The following SSBP2 variants were observed in gnomAD, a reference collection of about 807,000 sequenced individuals.
SSBP2 encodes the protein single stranded DNA binding protein 2.
A neutral mutation model predicts 61.8 loss-of-function variants in SSBP2; 17 were observed. That is an observed-to-expected ratio of 0.28 (90% CI 0.19 to 0.41). The LOEUF (loss-of-function observed/expected upper bound fraction) is 0.41, where lower values mean the gene tolerates loss of function less well. Among genes scored for constraint, SSBP2 ranks in the 10% least tolerant of loss-of-function variants. SSBP2 has a pLI of 1.00. For synonymous variants in SSBP2, 139 were observed against 141.3 expected (o/e 0.98, Z 0.12); for missense variants, 310 against 458.7 (o/e 0.68, Z 2.96).
intron 1 of SSBP2, among the ~76,000 whole-genome samples, chr5:81,703,656 T>C (rs2153896485): frequency 6.6e-6 from 1 of 152,330 alleles, no homozygotes; most frequent in South Asian, 2.1e-4. Context: ...TGAGTTTAAA[T>C]CTTTGTATTT....
intron 1 of SSBP2, among the ~76,000 whole-genome samples, chr5:81,659,341 C>G (rs1479556374): frequency 6.6e-6 from 1 of 152,078 alleles, no homozygotes; most frequent in Non-Finnish European, 1.5e-5. Flanking sequence ...AATCAATGTG[C>G]AAAAATCACA....
chr5:81,608,323 A>C (rs11743304), intron 4 of SSBP2, among the ~76,000 whole-genome samples: 26,432 of 151,964 alleles, frequency 0.17, 2,400 homozygotes, highest in Non-Finnish European at 0.21. Flanking sequence ...TCACCATTTT[A>C]ATTCAGGGGC....
chr5:81,551,303 G>C (rs188365286), intron 4 of SSBP2, among the ~76,000 whole-genome samples: 7 of 152,030 alleles, frequency 4.6e-5, no homozygotes, highest in African/African-American at 1.4e-4. Flanking sequence ...ATATGTATCT[G>C]CTTGATAACA....
rs142073731 is a variant in SSBP2 at position 81,460,609 on chromosome 5, T to C, written c.687+446A>G. On this transcript the variant is annotated intron_variant, in intron 10 of 16. Transcript: ENST00000320672. ...GTACAAGGTAAATATGCATTTGCTTTCTGGGGCAGCAAGAAAGCAAACCTA... is the reference window on the plus strand; with the variant it reads ...GTACAAGGTAAATATGCATTTGCTTCCTGGGGCAGCAAGAAAGCAAACCTA... 7.9e-5 allele frequency among the ~76,000 whole-genome samples: 12 copies of C among 152,302 alleles called. No individual in the cohort carries two copies. The East Asian group carries it at 2.3e-3, about 29-fold the overall frequency.
intron 4 of SSBP2, among the ~76,000 whole-genome samples, chr5:81,537,168 T>C (rs1435988300): frequency 6.6e-6 from 1 of 152,198 alleles, no homozygotes; most frequent in Non-Finnish European, 1.5e-5. Flanking sequence ...ACTGGGCTTG[T>C]CTGACTTTAT....
At chr5:81,594,591 AG>A (rs1743507110) in intron 4 of SSBP2, among the ~76,000 whole-genome samples, 1 of 152,250 alleles carries the variant, frequency 6.6e-6, no homozygotes, top group Non-Finnish European at 1.5e-5. Context: ...CATAGTTGGA[AG>A]TAAAGCACTC....
chr5:81,559,957 A>G (rs547056602), intron 4 of SSBP2, among the ~76,000 whole-genome samples: 2 of 152,348 alleles, frequency 1.3e-5, no homozygotes, highest in East Asian at 3.9e-4. Flanking sequence ...AAGCAAAACT[A>G]TACTGAGTAA....
intron 1 of SSBP2, among the ~76,000 whole-genome samples, chr5:81,738,804 C>T (rs183787413): frequency 2.0e-5 from 3 of 152,218 alleles, no homozygotes; most frequent in African/African-American, 4.8e-5. Flanking sequence ...TTACTCCATG[C>T]TCCATATGAT....
At chr5:81,439,224 CT>C (rs1762856097) in intron 14 of SSBP2, among the ~76,000 whole-genome samples, 1 of 151,814 alleles carries the variant, frequency 6.6e-6, no homozygotes, top group Admixed American at 6.6e-5. Flanking sequence ...AAGATGAACC[CT>C]TTCCAAAAGA....
intron 4 of SSBP2, among the ~76,000 whole-genome samples, chr5:81,572,065 A>C (rs1402968775): frequency 6.6e-6 from 1 of 152,122 alleles, no homozygotes; most frequent in African/African-American, 2.4e-5. Context: ...AATCAACTAC[A>C]AGTCTCTAAC....
Position 81,605,240 on chromosome 5 carries a change from T to G in SSBP2, c.282+10233A>C, listed in dbSNP as rs1040821616. Among the ~76,000 whole-genome samples, 5 of 152,146 alleles carry G rather than the reference T, an allele frequency of 3.3e-5. No homozygotes were observed. The East Asian group carries it at 9.6e-4, about 29-fold the overall frequency. On this transcript the variant is annotated intron_variant, in intron 4 of 16. Coordinates refer to ENST00000320672, the MANE Select transcript of SSBP2 (RefSeq NM_012446.5). ...TAAAATAAGTACAGTGTCTATCTTC[T>G]TATACTTTACTCAAGAAAAAATATG...
At chr5:81,648,240 G>C (rs1271677010) in intron 2 of SSBP2, among the ~76,000 whole-genome samples, 2 of 152,010 alleles carry the variant, frequency 1.3e-5, no homozygotes, top group Non-Finnish European at 2.9e-5. Context: ...CAGTGAATGC[G>C]ACTTAGAAAG....
At chr5:81,450,828 T>G (rs1265616318) in intron 10 of SSBP2, among the ~76,000 whole-genome samples, 16 of 152,244 alleles carry the variant, frequency 1.1e-4, no homozygotes, top group Admixed American at 1.0e-3. Context: ...ACTTTGTTAA[T>G]TTCCATCTCT....
intron 1 of SSBP2, among the ~76,000 whole-genome samples, chr5:81,715,257 C>G (rs1452301660): frequency 6.6e-6 from 1 of 152,094 alleles, no homozygotes; most frequent in Non-Finnish European, 1.5e-5. Flanking sequence ...CCACCAAGTA[C>G]TCAGGTTGCT....
At chr5:81,694,445 T>C (rs933470664) in intron 1 of SSBP2, among the ~76,000 whole-genome samples, 3 of 152,216 alleles carry the variant, frequency 2.0e-5, no homozygotes, top group Admixed American at 6.5e-5. Context: ...ACACCTACTA[T>C]GTACCCACAA....
chr5:81,705,815 A>G (rs565651013), intron 1 of SSBP2, among the ~76,000 whole-genome samples: 79 of 152,320 alleles, frequency 5.2e-4, no homozygotes, highest in African/African-American at 1.9e-3. Flanking sequence ...ACCCACCCTG[A>G]GTATGTTATA....
At chr5:81,443,533 T>C (rs1763170047) in intron 12 of SSBP2, among the ~76,000 whole-genome samples, 1 of 152,116 alleles carries the variant, frequency 6.6e-6, no homozygotes, top group South Asian at 2.1e-4. Flanking sequence ...ATTATACAGT[T>C]TTCTTAAATA....
rs749311862 is a variant in SSBP2 at position 81,440,518 on chromosome 5, G to C, written c.928+40C>G. On this transcript the variant is annotated intron_variant, in intron 14 of 16. Coordinates refer to ENST00000320672, the MANE Select transcript of SSBP2 (RefSeq NM_012446.5). ...ATGCACTAGGTAGAATTAAGGTTTT[G>C]TTATGAATTTATTCTAAACATCAAA... 1.4e-5 allele frequency: 21 copies of C among 1,554,260 alleles called. No homozygotes were observed. The African/African-American group carries it at 1.6e-4, about 12-fold the overall frequency.
intron 1 of SSBP2, among the ~76,000 whole-genome samples, chr5:81,743,286 A>G (rs1175101235): frequency 3.3e-5 from 5 of 152,162 alleles, no homozygotes; most frequent in Non-Finnish European, 7.4e-5. Context: ...CCTCAATAGT[A>G]GCTTAGACAT....
Sources: allele counts gnomAD v4.1 joint callset (sites outside exome capture counted in the v4.1 genomes callset), GRCh38; gene constraint gnomAD v4.1.1; transcripts MANE v1.5; gene names NCBI Gene and HGNC (gene_info 2026-07-23, HGNC 2026-07-21).